Variants in CYP7B1 observed in about 807,000 individuals in gnomAD.
The protein encoded by CYP7B1 is cytochrome P450 7B1.
Under a neutral mutation model 42.7 loss-of-function variants are expected in CYP7B1, and 29 were observed. The observed-to-expected ratio is 0.68, with a 90% CI of 0.51 to 0.93. The LOEUF (loss-of-function observed/expected upper bound fraction) is 0.93, where lower values mean the gene tolerates loss of function less well. CYP7B1 is among the 40% of genes least tolerant of loss of function. The pLI, the probability that CYP7B1 is intolerant of heterozygous loss-of-function variation, is 0.00. For missense variants in CYP7B1, 655 were observed against 600.5 expected, an observed-to-expected ratio of 1.09 and a Z score of -0.95; for synonymous variants, 235 against 218.2, an observed-to-expected ratio of 1.08 and a Z score of -0.68.
At chr8:64,620,511 G>C (rs541509031) in intron 2 of CYP7B1, among the ~76,000 whole-genome samples, 1 of 152,104 alleles carries the variant, frequency 6.6e-6, no homozygotes, top group African/African-American at 2.4e-5. Flanking sequence ...AATTTACATG[G>C]TTTCTCATGA....
rs185201300 is a variant in CYP7B1, at chr8:64,601,597, G to A, written c.1233+3085C>T. Among the ~76,000 whole-genome samples, 378 of 152,256 alleles carry A rather than the reference G, an allele frequency of 2.5e-3. 1 individual carries two copies. Among genetic ancestry groups the A allele is most frequent in the African/African-American group, 8.4e-3 (348 of 41,538 alleles). On this transcript the variant is annotated intron_variant, in intron 5 of 5. Coordinates refer to ENST00000310193, the MANE Select transcript of CYP7B1 (RefSeq NM_004820.5). ...CAATAAGTTAAGCAACCAATATTCA[G>A]GGAAATAATAATTCTTAATATAGAG...
At chr8:64,670,678 A>C (rs1339670177) in intron 1 of CYP7B1, among the ~76,000 whole-genome samples, 1 of 152,206 alleles carries the variant, frequency 6.6e-6, no homozygotes, top group Non-Finnish European at 1.5e-5. Flanking sequence ...ACCTGCAGAG[A>C]CAAACTGAAC....
At chr8:64,705,553 A>G (rs1806985721) in intron 1 of CYP7B1, among the ~76,000 whole-genome samples, 1 of 150,980 alleles carries the variant, frequency 6.6e-6, no homozygotes, top group Admixed American at 6.6e-5. Flanking sequence ...AGCACAAAGC[A>G]CTCTCTTTAT....
chr8:64,614,661 A>G (rs1046883786), intron 4 of CYP7B1, among the ~76,000 whole-genome samples: 9 of 152,150 alleles, frequency 5.9e-5, no homozygotes, highest in African/African-American at 2.2e-4. Context: ...CTTTTTTGCA[A>G]TACTTTCCTT....
At position 64,595,562 on chromosome 8, in the gene CYP7B1, G is replaced by C. The variant is rs1049780458; in HGVS notation, c.*1080C>G. Among the ~76,000 whole-genome samples, 1 of 152,052 alleles carries C rather than the reference G, an allele frequency of 6.6e-6. No homozygotes were observed. Among genetic ancestry groups the C allele is most frequent in the African/African-American group, 2.4e-5 (1 of 41,392 alleles). On this transcript the variant is annotated 3_prime_UTR_variant, in exon 6 of 6. Coordinates refer to ENST00000310193, the MANE Select transcript of CYP7B1 (RefSeq NM_004820.5). ...GGTTCCCAAGGGACCAAAGCGGGAG[G>C]ATCACTTGAGGTCAGGATTTGAGAC... is the stretch of plus-strand genomic sequence containing the variant.
At chr8:64,697,653 G>C (rs552586243) in intron 1 of CYP7B1, among the ~76,000 whole-genome samples, 7 of 152,172 alleles carry the variant, frequency 4.6e-5, no homozygotes, top group Non-Finnish European at 8.8e-5. Context: ...ACTGCTGCCA[G>C]GGAGAACAGG....
intron 1 of CYP7B1, among the ~76,000 whole-genome samples, chr8:64,774,062 C>T (rs1458446027): frequency 1.3e-5 from 2 of 152,148 alleles, no homozygotes; most frequent in Middle Eastern, 3.2e-3. Context: ...CCTAGTTCAT[C>T]CTTATACCTT....
intron 1 of CYP7B1, among the ~76,000 whole-genome samples, chr8:64,776,746 C>T (rs1373842756): frequency 6.6e-6 from 1 of 152,054 alleles, no homozygotes; most frequent in Non-Finnish European, 1.5e-5. Context: ...GGTCGTAAGA[C>T]CTAGCTGCCC....
intron 1 of CYP7B1, among the ~76,000 whole-genome samples, chr8:64,720,820 A>G (rs908370652): frequency 6.6e-6 from 1 of 152,142 alleles, no homozygotes; most frequent in Non-Finnish European, 1.5e-5. Flanking sequence ...AATAACTAGC[A>G]TAATGGTCTC....
intron 2 of CYP7B1, among the ~76,000 whole-genome samples, chr8:64,616,708 G>A (rs572018026): frequency 6.6e-6 from 1 of 152,244 alleles, no homozygotes; most frequent in South Asian, 2.1e-4. Flanking sequence ...TTCATGCTTA[G>A]GTGTCATCTG....
chr8:64,798,364 T>C (rs1804740444), intron 1 of CYP7B1, 102 bp downstream of exon 1: 1 of 1,389,252 alleles, frequency 7.2e-7, no homozygotes, highest in Non-Finnish European at 9.2e-7. Context: ...GTTCTGACTG[T>C]CTGCACTGGA....
chr8:64,753,616 C>G (rs1807763425), intron 1 of CYP7B1, among the ~76,000 whole-genome samples: 1 of 152,170 alleles, frequency 6.6e-6, no homozygotes, highest in African/African-American at 2.4e-5. Flanking sequence ...AGACAAGACT[C>G]TCGCCCTCAT....
At chr8:64,606,578 C>T (rs34494281) in intron 4 of CYP7B1, among the ~76,000 whole-genome samples, 11 of 152,320 alleles carry the variant, frequency 7.2e-5, no homozygotes, top group Middle Eastern at 3.4e-3. Flanking sequence ...GGCTGATGTG[C>T]TCTCGGGAAG....
intron 1 of CYP7B1, among the ~76,000 whole-genome samples, chr8:64,746,010 T>G (rs1006201868): frequency 1.1e-4 from 17 of 152,290 alleles, no homozygotes; most frequent in Admixed American, 4.6e-4. Flanking sequence ...TCAATGCATG[T>G]TTTTTAATCT....
At chr8:64,741,438 G>T (rs1285887460) in intron 1 of CYP7B1, among the ~76,000 whole-genome samples, 1 of 152,018 alleles carries the variant, frequency 6.6e-6, no homozygotes, top group Non-Finnish European at 1.5e-5. Flanking sequence ...TCCTGCCTCA[G>T]CCTCCCGAGT....
chr8:64,793,415 A>T (rs1804653565), intron 1 of CYP7B1, among the ~76,000 whole-genome samples: 1 of 152,194 alleles, frequency 6.6e-6, no homozygotes, highest in Admixed American at 6.5e-5. Context: ...AAGTAAGGAA[A>T]GAATGGAGAC....
intron 1 of CYP7B1, among the ~76,000 whole-genome samples, chr8:64,729,168 T>G (rs1050525907): frequency 6.6e-6 from 1 of 152,108 alleles, no homozygotes; most frequent in African/African-American, 2.4e-5. Context: ...TCAGAAAAAC[T>G]GTAAGAAAAT....
At chr8:64,684,903 T>C (rs1043103737) in intron 1 of CYP7B1, among the ~76,000 whole-genome samples, 2 of 152,224 alleles carry the variant, frequency 1.3e-5, no homozygotes, top group Admixed American at 1.3e-4. Flanking sequence ...TCCACAAGGA[T>C]GGCTCTTATC....
chr8:64,672,596 T>A (rs1806383077), intron 1 of CYP7B1, among the ~76,000 whole-genome samples: 1 of 152,064 alleles, frequency 6.6e-6, no homozygotes, highest in Non-Finnish European at 1.5e-5. Flanking sequence ...GGAAAAAATG[T>A]GGAGAAAAAG....
Sources: gnomAD v4.1 joint callset for allele counts (sites outside exome capture counted in the v4.1 genomes callset) on GRCh38, gnomAD v4.1.1 for gene constraint, MANE v1.5 for transcripts, NCBI Gene and HGNC (gene_info 2026-07-23, HGNC 2026-07-21) for gene names.